ELMO1: variants seen among roughly 807,000 people sequenced by gnomAD.
The protein encoded by ELMO1 is engulfment and cell motility 1, also known as engulfment and cell motility protein 1.
Under a neutral mutation model 98.9 loss-of-function variants are expected in ELMO1, and 26 were observed. The observed-to-expected ratio is 0.26, with a 90% confidence interval of 0.19 to 0.36. The LOEUF (loss-of-function observed/expected upper bound fraction) is 0.36. ELMO1 is among the 10% of genes least tolerant of loss of function. The probability of loss-of-function intolerance (pLI) is 1.00; values close to 1 mark genes in which losing one functional copy is unlikely to be tolerated. For synonymous variants in ELMO1, 346 were observed against 346.0 expected (o/e 1.00, Z 0.00); for missense variants, 627 against 935.2 (o/e 0.67, Z 4.30).
intron 13 of ELMO1, among the ~76,000 whole-genome samples, chr7:37,193,412 A>G (rs1791765561): frequency 6.6e-6 from 1 of 152,172 alleles, no homozygotes; most frequent in African/African-American, 2.4e-5. Flanking sequence ...CGTAAACTGA[A>G]TAAGAACAAA....
chr7:37,344,569 C>T (rs115468654), intron 1 of ELMO1, among the ~76,000 whole-genome samples: 105 of 152,282 alleles, frequency 6.9e-4, no homozygotes, highest in African/African-American at 2.5e-3. Flanking sequence ...TATGCAAGTA[C>T]ATCCTTACAA....
chr7:36,985,763 T>C (rs1444302392), intron 16 of ELMO1, among the ~76,000 whole-genome samples: 1 of 152,236 alleles, frequency 6.6e-6, no homozygotes, highest in Non-Finnish European at 1.5e-5. Flanking sequence ...GCATGCAGTC[T>C]TTTGAATTCA....
intron 14 of ELMO1, among the ~76,000 whole-genome samples, chr7:37,121,153 G>A (rs574523069): frequency 6.6e-6 from 1 of 152,188 alleles, no homozygotes; most frequent in Non-Finnish European, 1.5e-5. Context: ...ACCAAAGGTA[G>A]ATAAAACCAC....
chr7:37,239,737 C>T (rs1038639427), intron 7 of ELMO1, among the ~76,000 whole-genome samples: 3 of 152,202 alleles, frequency 2.0e-5, no homozygotes, highest in South Asian at 2.1e-4. Context: ...TCAGCCAACT[C>T]AGTGGAACGC....
chr7:36,942,995 T>G (rs1446479708), intron 16 of ELMO1, among the ~76,000 whole-genome samples: 1 of 152,134 alleles, frequency 6.6e-6, no homozygotes. Flanking sequence ...CCAGCCACCT[T>G]CAGATCATGG....
chr7:37,022,228 A>G (rs571573692), intron 15 of ELMO1, among the ~76,000 whole-genome samples: 52 of 152,380 alleles, frequency 3.4e-4, no homozygotes, highest in Non-Finnish European at 5.0e-4. Context: ...ATCATTAATC[A>G]TAAGAAAACT....
At chr7:37,325,630 C>A (rs10245068) in intron 2 of ELMO1, among the ~76,000 whole-genome samples, 19,276 of 151,954 alleles carry the variant, frequency 0.13, 1,327 homozygotes, top group Middle Eastern at 0.2. Flanking sequence ...TAAAAAAAAA[C>A]CTACCTGACA....
intron 20 of ELMO1, among the ~76,000 whole-genome samples, chr7:36,863,414 T>C (rs945987016): frequency 6.6e-6 from 1 of 152,192 alleles, no homozygotes; most frequent in Non-Finnish European, 1.5e-5. Context: ...AGACTTACTA[T>C]TAGTACTATA....
intron 4 of ELMO1, among the ~76,000 whole-genome samples, chr7:37,293,999 T>C (rs1294526607): frequency 6.6e-6 from 1 of 152,132 alleles, no homozygotes; most frequent in African/African-American, 2.4e-5. Context: ...TACTGCCCTT[T>C]TGACACCATA....
chr7:37,309,193 C>T (rs751532206), intron 4 of ELMO1, among the ~76,000 whole-genome samples: 1 of 151,900 alleles, frequency 6.6e-6, no homozygotes, highest in Non-Finnish European at 1.5e-5. Flanking sequence ...TGGTGGAAGG[C>T]GAAAGGCACA....
chr7:37,268,683 T>C (rs937978075), intron 5 of ELMO1, among the ~76,000 whole-genome samples: 3 of 152,218 alleles, frequency 2.0e-5, no homozygotes, highest in Non-Finnish European at 2.9e-5. Flanking sequence ...AGAGAGACTG[T>C]CTAAAGATGT....
intron 20 of ELMO1, among the ~76,000 whole-genome samples, chr7:36,865,857 T>C (rs1244002123): frequency 1.3e-5 from 2 of 152,364 alleles, no homozygotes; most frequent in East Asian, 3.9e-4. Context: ...AGATGCTCAA[T>C]ACATTGCTGA....
intron 14 of ELMO1, among the ~76,000 whole-genome samples, chr7:37,100,129 T>A (rs557676052): frequency 6.6e-6 from 1 of 152,288 alleles, no homozygotes; most frequent in African/African-American, 2.4e-5. Context: ...CAAATTGGCT[T>A]CACATACATA....
intron 13 of ELMO1, among the ~76,000 whole-genome samples, chr7:37,173,473 T>C (rs1409973641): frequency 1.3e-5 from 2 of 152,238 alleles, no homozygotes; most frequent in Non-Finnish European, 2.9e-5. Context: ...TTGGACCTAT[T>C]ATAAGGGAAT....
intron 13 of ELMO1, among the ~76,000 whole-genome samples, chr7:37,144,617 G>C (rs944634969): frequency 3.9e-5 from 6 of 152,078 alleles, no homozygotes; most frequent in African/African-American, 1.4e-4. Context: ...CTTCTGAAAT[G>C]CCATTTGTTA....
At chr7:36,930,161 G>A (rs965045577) in intron 16 of ELMO1, among the ~76,000 whole-genome samples, 1 of 152,212 alleles carries the variant, frequency 6.6e-6, no homozygotes, top group African/African-American at 2.4e-5. Flanking sequence ...GGTCTCCCCA[G>A]CCCATGGGCA....
intron 13 of ELMO1, among the ~76,000 whole-genome samples, chr7:37,194,846 T>C (rs183197058): frequency 6.8e-4 from 104 of 152,380 alleles, no homozygotes; most frequent in Admixed American, 2.0e-3. Flanking sequence ...ATTTGTATGA[T>C]TCTCATAGCA....
At chr7:37,245,568 T>C (rs1489310466) in intron 6 of ELMO1, among the ~76,000 whole-genome samples, 2 of 152,156 alleles carry the variant, frequency 1.3e-5, no homozygotes, top group East Asian at 1.9e-4. Context: ...CTGCCTTTCT[T>C]TTAAAAAATA....
intron 19 of ELMO1, among the ~76,000 whole-genome samples, 182 bp downstream of exon 19, chr7:36,877,828 G>A (rs920763006): frequency 6.6e-6 from 1 of 152,120 alleles, no homozygotes; most frequent in South Asian, 2.1e-4. Context: ...CCCCTATTCA[G>A]TTCCAAACCC....
Sources: gnomAD v4.1 joint callset for allele counts (sites outside exome capture counted in the v4.1 genomes callset) on GRCh38, gnomAD v4.1.1 for gene constraint, MANE v1.5 for transcripts, NCBI Gene and HGNC (gene_info 2026-07-23, HGNC 2026-07-21) for gene names.